SETX: variants seen among roughly 807,000 people sequenced by gnomAD.
SETX encodes senataxin.
A neutral mutation model predicts 227.2 loss-of-function variants in SETX; 90 were observed. The observed-to-expected ratio is 0.40, with a 90% CI of 0.33 to 0.47. The LOEUF (loss-of-function observed/expected upper bound fraction) is 0.47. Among genes scored for constraint, SETX ranks in the 20% least tolerant of loss-of-function variants. The pLI is 0.91. For missense variants in SETX, 3,052 were observed against 3,181.5 expected (o/e 0.96, Z 0.98); for synonymous variants, 1,210 against 1,113.2 (o/e 1.09, Z -1.73).
rs768510428 is a variant in SETX, at chr9:132,328,545, T to A, written c.3053A>T (p.Asp1018Val). Residue 1018 changes from aspartate to valine, a missense_variant, in exon 10 of 26, where the codon GAT becomes GTT. By Grantham distance (152) the Asp-to-Val change is radical. Coordinates refer to ENST00000224140, the MANE Select transcript of SETX (RefSeq NM_015046.7). ...TSRGQVIIIS[D>V]SDDDDDERIL... is the part of the protein sequence containing the mutation. ...TCTTTCATCATCATCATCATCAGAA[T>A]CTGAAATAATAATAACCTGTCCACG... 1 of 1,614,048 alleles carries A rather than the reference T, an allele frequency of 6.2e-7. No individual in the cohort carries two copies. Among genetic ancestry groups the A allele is most frequent in the Non-Finnish European group, 8.5e-7 (1 of 1,179,998 alleles).
chr9:132,269,593 T>C (rs1274734287), intron 25 of SETX, 22 bp downstream of exon 25: 1 of 1,613,696 alleles, frequency 6.2e-7, no homozygotes, highest in Admixed American at 1.7e-5. Flanking sequence ...ATGGGTAAAC[T>C]TCTGAGCTCT....
rs1340637140 is a variant in SETX at position 132,263,945 on chromosome 9, T to C, written c.*294A>G. 2 of 435,436 alleles carry C rather than the reference T, an allele frequency of 4.6e-6. No individual in the cohort carries two copies. Among genetic ancestry groups the C allele is most frequent in the Non-Finnish European group, 8.3e-6 (2 of 239,896 alleles). The allele number at this position is 435,436 out of a possible 1,614,324, so 27.0% of individuals were successfully genotyped here. A position where few individuals can be genotyped will look rare whatever the true frequency, so the allele number is the denominator to read the frequency against. ...GCTATACAAATATACATTTCAACTTTTACAACATTCACTCCAGTCTGACCT... is the reference window on the plus strand; with the variant it reads ...GCTATACAAATATACATTTCAACTTCTACAACATTCACTCCAGTCTGACCT... On this transcript the variant is annotated 3_prime_UTR_variant, in exon 26 of 26. Transcript: ENST00000224140.
In SETX at chr9:132,326,916, T is replaced by C. The variant is rs371612303; in HGVS notation, c.4682A>G (p.Gln1561Arg). The C allele has an allele frequency of 6.2e-7, 1 of 1,614,232 alleles. No homozygotes were observed. The highest frequency in any genetic ancestry group is 8.5e-7 in the Non-Finnish European group (1 of 1,180,040). The change falls in exon 10 of 26, where the codon CAG becomes CGG. Residue 1561 changes from glutamine (Q) to arginine (R), a missense_variant. By Grantham distance (43) the Gln-to-Arg change is conservative. Around this residue, in one of 10 missense-constraint regions of SETX, gnomAD observed 1,483 missense variants for 1,312.0 expected, o/e 1.13. Coordinates refer to ENST00000224140, the MANE Select transcript of SETX (RefSeq NM_015046.7). ...AGAGTGTTTTGGGCAGTATTCACCC[T>C]GGTTTTTTGTGGTTTCAAGACAATC... ...YKDCLETTKNQGEYCPKHSEV... is the reference protein window; with the variant it reads ...YKDCLETTKNRGEYCPKHSEV...
intron 25 of SETX, among the ~76,000 whole-genome samples, chr9:132,268,862 G>A (rs112355729): frequency 2.0e-5 from 3 of 152,276 alleles, no homozygotes; most frequent in Admixed American, 6.5e-5. Flanking sequence ...GCACACAGAC[G>A]ACAAAGGCTG....
intron 18 of SETX, among the ~76,000 whole-genome samples, chr9:132,284,200 T>A (rs1287641601): frequency 6.6e-6 from 1 of 152,210 alleles, no homozygotes; most frequent in Non-Finnish European, 1.5e-5. Flanking sequence ...AGCCACCTAG[T>A]GAGTACAACT....
At chr9:132,305,139 G>A (rs981706289) in intron 11 of SETX, among the ~76,000 whole-genome samples, 1 of 151,858 alleles carries the variant, frequency 6.6e-6, no homozygotes, top group African/African-American at 2.4e-5. Flanking sequence ...CGGATCACGA[G>A]GTTAGGAGAT....
At chr9:132,289,082 C>G (rs777953927) in intron 15 of SETX, among the ~76,000 whole-genome samples, 1 of 152,086 alleles carries the variant, frequency 6.6e-6, no homozygotes, top group Non-Finnish European at 1.5e-5. Context: ...AAATATGGAA[C>G]AGTAAGTTGT....
intron 10 of SETX, among the ~76,000 whole-genome samples, chr9:132,320,495 G>A (rs1846251508): frequency 6.8e-6 from 1 of 146,014 alleles, no homozygotes; most frequent in Non-Finnish European, 1.5e-5. Flanking sequence ...TCGGGAGGTT[G>A]AGGAGGGAAA....
In SETX at chr9:132,286,407, C is replaced by T. The variant is rs369168525; in HGVS notation, c.6396+16G>A. ...AAAAAAAAAAATCAAGAAAATGCTA[C>T]AGGTGAACTACTTACCTCTTTAATT... On this transcript the variant is annotated intron_variant, in intron 18 of 25. Transcript: ENST00000224140. The T allele has an allele frequency of 5.7e-5, 89 of 1,569,862 alleles. No homozygotes were observed. The highest frequency in any genetic ancestry group is 5.1e-4 in the South Asian group (44 of 86,030).
Position 132,346,434 on chromosome 9 carries a change from T to A in SETX, c.215A>T (p.His72Leu), listed in dbSNP as rs1294935001. 2 of 1,613,540 alleles carry A rather than the reference T, an allele frequency of 1.2e-6. No homozygotes were observed. Among genetic ancestry groups the A allele is most frequent in the Non-Finnish European group, 1.7e-6 (2 of 1,179,600 alleles). The change falls in exon 4 of 26, where the codon CAC (histidine) becomes CTC (leucine). Residue 72 changes from histidine to leucine, a missense_variant. This residue lies in a region of SETX where 152 missense variants were observed against 156.2 expected (regional missense o/e 0.97). Transcript: ENST00000224140. The part of the protein sequence containing the change: ...WELETLRLIN[H>L]FEKSMKAEIG... ...TTCTGCCTTCATGGATTTTTCAAAG[T>A]GATTTATGAGACGTAAGGTTTCTAA...
intron 14 of SETX, 114 bp from the exon 15 acceptor site, chr9:132,296,142 T>TA: frequency 7.6e-7 from 1 of 1,311,562 alleles, no homozygotes; most frequent in Non-Finnish European, 1.1e-6. Flanking sequence ...GTTCTCGTAA[T>TA]AAAGTTAAAA....
chr9:132,340,194 A>G (rs889853673), intron 5 of SETX, among the ~76,000 whole-genome samples: 1 of 150,594 alleles, frequency 6.6e-6, no homozygotes, highest in African/African-American at 2.4e-5. Flanking sequence ...TGGTTCTCAC[A>G]TTTTCTTTCT....
In SETX at chr9:132,263,797, CCTCCTCCCATCTTT is replaced by C. The variant is rs1454503520; in HGVS notation, c.*428_*441del. On this transcript the variant is annotated 3_prime_UTR_variant, in exon 26 of 26. Coordinates refer to ENST00000224140, the MANE Select transcript of SETX (RefSeq NM_015046.7). ...TCTAACAATGGTTGAAAGGACCCGC[CCTCCTCCCATCTTT>C]TTTTTTTTGGTAATATAAAGTTTGT... is the stretch of plus-strand genomic sequence containing the variant. 2 of 186,686 alleles carry C rather than the reference CCTCCTCCCATCTTT, an allele frequency of 1.1e-5. No homozygotes were observed. The highest frequency in any genetic ancestry group is 2.9e-4 in the East Asian group (2 of 6,854). The allele number at this position is 186,686 out of a possible 1,614,324, so 11.6% of individuals were successfully genotyped here.
intron 15 of SETX, among the ~76,000 whole-genome samples, chr9:132,293,990 C>T (rs1374746742): frequency 6.6e-6 from 1 of 152,094 alleles, no homozygotes; most frequent in Non-Finnish European, 1.5e-5. Context: ...CGCCACTGCA[C>T]TCCAGCCTGG....
chr9:132,352,477 C>T (rs1196773196), intron 2 of SETX, among the ~76,000 whole-genome samples: 4 of 152,164 alleles, frequency 2.6e-5, no homozygotes, highest in Non-Finnish European at 5.9e-5. Context: ...GCAGGCAGGG[C>T]GCAGTGGCTC....
intron 4 of SETX, among the ~76,000 whole-genome samples, chr9:132,345,561 A>G (rs1236715149): frequency 6.6e-6 from 1 of 152,222 alleles, no homozygotes; most frequent in Non-Finnish European, 1.5e-5. Flanking sequence ...GGCGTGAGCC[A>G]CCATGCCCGG....
At chr9:132,286,785 C>T (rs1843927283) in intron 17 of SETX, among the ~76,000 whole-genome samples, 1 of 152,232 alleles carries the variant, frequency 6.6e-6, no homozygotes, top group Non-Finnish European at 1.5e-5. Context: ...AATCACACCC[C>T]AACCATTCCT....
Position 132,330,491 on chromosome 9 carries a change from T to G in SETX, c.1107A>C (p.Gly369=). The G allele has an allele frequency of 1.9e-6, 3 of 1,612,366 alleles. 1 individual carries two copies. Among genetic ancestry groups the G allele is most frequent in the Middle Eastern group, 1.6e-4 (1 of 6,062 alleles). ...YNPEKTKKDS[G]WRTAICPDYC... ...AATCTGGGCAAATGGCTGTTCTCCATCCAGAATCCTAAAATGAAAGAAATG... is the reference window on the plus strand; with the variant it reads ...AATCTGGGCAAATGGCTGTTCTCCAGCCAGAATCCTAAAATGAAAGAAATG... The change falls in exon 10 of 26, where the codon GGA becomes GGC. Residue 369 remains glycine (G), a synonymous_variant. Transcript: ENST00000224140.
At chr9:132,271,470 C>A (rs962311986) in intron 24 of SETX, among the ~76,000 whole-genome samples, 4 of 152,178 alleles carry the variant, frequency 2.6e-5, no homozygotes, top group Non-Finnish European at 5.9e-5. Context: ...GAGGCTGATG[C>A]AGAAGAATCG....
Sources: gnomAD v4.1 joint callset for allele counts (sites outside exome capture counted in the v4.1 genomes callset) on GRCh38, gnomAD v4.1.1 for gene constraint, gnomAD v4.1.1 regional missense constraint, MANE v1.5 for transcripts, NCBI Gene and HGNC (gene_info 2026-07-23, HGNC 2026-07-21) for gene names.